The following LRRC28 variants were observed in gnomAD, a reference collection of about 807,000 sequenced individuals.
LRRC28 encodes leucine rich repeat containing 28.
LRRC28 carries 39 observed loss-of-function variants against 45.7 expected under a neutral mutation model. The observed-to-expected ratio is 0.85, with a 90% confidence interval of 0.66 to 1.12. LRRC28 has a LOEUF of 1.12. Ranked by LOEUF, LRRC28 falls within the 50% of genes most tolerant of loss-of-function variation. The pLI, the probability that LRRC28 is intolerant of heterozygous loss-of-function variation, is 0.00. For synonymous variants in LRRC28, 206 were observed against 178.8 expected (o/e 1.15, Z -1.22); for missense variants, 435 against 438.5 (o/e 0.99, Z 0.07).
In LRRC28 at chr15:99,326,670, G is replaced by A. The variant is rs1007020524; in HGVS notation, c.386-7253G>A. 3.3e-5 allele frequency: 5 copies of A among 152,076 alleles called. No homozygotes were observed. The South Asian group carries it at 1.0e-3, about 32-fold the overall frequency. The allele number at this position is 152,076 out of a possible 1,614,324, so 9.4% of individuals were successfully genotyped here. Reference sequence around the variant, plus strand: ...AATTTCTGGTCCATGATGCCTGCCAGTATTTTTTTTACTGCTTTTGTAGAT... The same window carrying A: ...AATTTCTGGTCCATGATGCCTGCCAATATTTTTTTTACTGCTTTTGTAGAT... On this transcript the variant is annotated intron_variant, in intron 5 of 9. Coordinates refer to ENST00000301981, the MANE Select transcript of LRRC28 (RefSeq NM_144598.5).
At chr15:99,270,813 G>A (rs1015764273) in intron 2 of LRRC28, among the ~76,000 whole-genome samples, 4 of 152,154 alleles carry the variant, frequency 2.6e-5, no homozygotes, top group Admixed American at 6.5e-5. Context: ...AGGGTCATAC[G>A]GTAATTTTAT....
chr15:99,361,620 T>A, intron 8 of LRRC28, 109 bp downstream of exon 8: 2 of 1,085,034 alleles, frequency 1.8e-6, no homozygotes, highest in Admixed American at 2.8e-5. Context: ...TGTGGTAAAA[T>A]ACACATAACA....
At chr15:99,383,331 G>A (rs1567716226) in intron 9 of LRRC28, among the ~76,000 whole-genome samples, 2 of 152,196 alleles carry the variant, frequency 1.3e-5, no homozygotes, top group African/African-American at 4.8e-5. Context: ...GCACTGCGTT[G>A]TTCCTCAAGT....
At chr15:99,285,049 C>G in intron 3 of LRRC28, 1 of 660,794 alleles carries the variant, frequency 1.5e-6, no homozygotes, top group Non-Finnish European at 2.9e-6. Flanking sequence ...TGGGGCTTTC[C>G]TGACTTCACA....
Position 99,347,290 on chromosome 15 carries a change from A to G in LRRC28, c.593-5079A>G, listed in dbSNP as rs934168911. ...AGTGGTGCTATCTCGGCTCACTGCA[A>G]GCTCCGCCTCCCGGGTTCACGCCCT... On this transcript the variant is annotated intron_variant, in intron 6 of 9. Transcript: ENST00000301981. Among the ~76,000 whole-genome samples, 5 of 151,882 alleles carry G rather than the reference A, an allele frequency of 3.3e-5. No individual in the cohort carries two copies. The South Asian group carries it at 6.2e-4, about 19-fold the overall frequency.
At chr15:99,259,134 C>A in intron 2 of LRRC28, 1 of 1,319,922 alleles carries the variant, frequency 7.6e-7, no homozygotes, top group Non-Finnish European at 1.1e-6. Flanking sequence ...ACATGTCTTG[C>A]TAAACTTCTT....
At chr15:99,319,969 AT>A (rs568187511) in intron 5 of LRRC28, among the ~76,000 whole-genome samples, 3 of 151,350 alleles carry the variant, frequency 2.0e-5, no homozygotes, top group Non-Finnish European at 4.4e-5. Context: ...CGCCCAGCTA[AT>A]TTTTTTTGTA....
chr15:99,347,513 T>C (rs903835591), intron 6 of LRRC28, among the ~76,000 whole-genome samples: 1 of 152,242 alleles, frequency 6.6e-6, no homozygotes, highest in Non-Finnish European at 1.5e-5. Context: ...AAAAATACTC[T>C]GTATATAAGT....
Position 99,373,777 on chromosome 15 carries a change from A to C in LRRC28, c.1031+10512A>C, listed in dbSNP as rs141530855. Among the ~76,000 whole-genome samples, 559 of 152,314 alleles carry C rather than the reference A, an allele frequency of 3.7e-3. 1 individual carries two copies. The highest frequency in any genetic ancestry group is 6.8e-3 in the Middle Eastern group (2 of 294). Reference sequence around the variant, plus strand: ...TGATGCTTGCCTTTTCGCTTTCCTAAAGATGTCATTTGAAAACAAGTCTTC... The same window carrying C: ...TGATGCTTGCCTTTTCGCTTTCCTACAGATGTCATTTGAAAACAAGTCTTC... On this transcript the variant is annotated intron_variant, in intron 9 of 9. Coordinates refer to ENST00000301981, the MANE Select transcript of LRRC28 (RefSeq NM_144598.5).
chr15:99,273,439 G>A (rs746035038), intron 2 of LRRC28, among the ~76,000 whole-genome samples: 10 of 150,190 alleles, frequency 6.7e-5, no homozygotes, highest in Admixed American at 6.6e-5. Flanking sequence ...GGGTTTCACC[G>A]TGTTAGACAG....
intron 3 of LRRC28, among the ~76,000 whole-genome samples, chr15:99,279,704 G>A (rs758418157): frequency 3.9e-5 from 6 of 152,096 alleles, no homozygotes; most frequent in Admixed American, 1.3e-4. Context: ...TCTTACTGAC[G>A]CTCAGTCATT....
chr15:99,338,837 A>G (rs976123629), intron 6 of LRRC28, among the ~76,000 whole-genome samples: 42 of 152,216 alleles, frequency 2.8e-4, no homozygotes, highest in African/African-American at 9.7e-4. Context: ...CACTTGTAAT[A>G]CTGTTGAAAC....
chr15:99,285,369 C>T (rs752032599), intron 3 of LRRC28: 5 of 742,398 alleles, frequency 6.7e-6, no homozygotes, highest in Admixed American at 3.4e-5. Context: ...GCATTCATGG[C>T]TGCATCCACC....
At chr15:99,285,109 A>G (rs35405100) in intron 3 of LRRC28, 86,719 of 707,852 alleles carry the variant, frequency 0.12, 7,308 homozygotes, top group East Asian at 0.37. Context: ...CTTATCCACG[A>G]AGTCATGGTC....
At chr15:99,305,264 G>A (rs1955141085) in intron 5 of LRRC28, among the ~76,000 whole-genome samples, 1 of 152,170 alleles carries the variant, frequency 6.6e-6, no homozygotes, top group Admixed American at 6.5e-5. Context: ...TTGCTAAATG[G>A]TAGTAAATAT....
chr15:99,319,660 T>TC (rs3070436), intron 5 of LRRC28, among the ~76,000 whole-genome samples: 1 of 36,726 alleles, frequency 2.7e-5, no homozygotes, highest in African/African-American at 7.0e-4. Flanking sequence ...AACAGTGTGG[T>TC]TTTTTTTTTT....
intron 7 of LRRC28, among the ~76,000 whole-genome samples, chr15:99,356,343 G>A (rs547835080): frequency 6.6e-6 from 1 of 152,106 alleles, no homozygotes; most frequent in Non-Finnish European, 1.5e-5. Flanking sequence ...GAATGAAAAG[G>A]CCAGAAAAAT....
intron 9 of LRRC28, among the ~76,000 whole-genome samples, chr15:99,382,256 G>T (rs1957851531): frequency 6.6e-6 from 1 of 152,176 alleles, no homozygotes; most frequent in African/African-American, 2.4e-5. Context: ...CAGCCTCACT[G>T]CCACCTTGCA....
chr15:99,274,117 A>G (rs1422264348), intron 2 of LRRC28, among the ~76,000 whole-genome samples: 2 of 152,238 alleles, frequency 1.3e-5, no homozygotes, highest in African/African-American at 4.8e-5. Context: ...GGCAAAAAGA[A>G]TCACAGCTTT....
Sources: gnomAD v4.1 joint callset for allele counts (sites outside exome capture counted in the v4.1 genomes callset) on GRCh38, gnomAD v4.1.1 for gene constraint, MANE v1.5 for transcripts, NCBI Gene and HGNC (gene_info 2026-07-23, HGNC 2026-07-21) for gene names.